Variants in ATG9B observed in about 807,000 individuals in gnomAD.
ATG9B encodes autophagy-related protein 9B.
A neutral mutation model predicts 92.9 loss-of-function variants in ATG9B; 92 were observed. The ratio of observed to expected loss-of-function variants is 0.99; its 90% CI spans 0.84 to 1.18. The LOEUF is 1.18. ATG9B is among the 50% of genes most tolerant of loss of function. ATG9B has a pLI of 0.00. For synonymous variants in ATG9B, 599 were observed against 551.4 expected (o/e 1.09, Z -1.21); for missense variants, 1,344 against 1,235.0 (o/e 1.09, Z -1.32).
chr7:151,024,473 T>C lies in ATG9B; in HGVS notation c.-50A>G. The C allele has an allele frequency of 7.9e-7, 1 of 1,265,884 alleles. No homozygotes were observed. The highest frequency in any genetic ancestry group is 1.0e-6 in the Non-Finnish European group (1 of 991,552). 78.4% of individuals were successfully genotyped at this position (1,265,884 alleles called of 1,614,324 possible). ...TTGGAAGGATGGGAGCTGTTGTTGC[T>C]TCCACAAAGGTCTGTGACACTGAGC... On this transcript the variant is annotated 5_prime_UTR_variant, in exon 1 of 14. Coordinates refer to ENST00000639579, the MANE Select transcript of ATG9B (RefSeq NM_001317056.2).
At chr7:151,012,397 C>T (rs1426641699), downstream of ATG9B, 3 of 1,599,928 alleles carry the variant, frequency 1.9e-6, no homozygotes, top group Admixed American at 3.5e-5. Context: ...GCCCTGCATC[C>T]TGGTGGGTCC....
chr7:151,018,284 C>T lies in ATG9B; in HGVS notation c.1872+10G>A. ...CTTCCTCCTCAGCCCGCCGTCGCGC[C>T]CACCCTCACCGCTCGGTACTGCAGC... On this transcript the variant is annotated intron_variant, in intron 7 of 13. Coordinates refer to ENST00000639579, the MANE Select transcript of ATG9B (RefSeq NM_001317056.2). This position sits in a 1 kb window ranked among gnomAD's most constrained non-coding sequence, Gnocchi z 4.7. 1 of 1,530,282 alleles carries T rather than the reference C, an allele frequency of 6.5e-7. No individual in the cohort carries two copies. The highest frequency in any genetic ancestry group is 1.3e-5 in the South Asian group (1 of 78,812). The allele number at this position is 1,530,282 out of a possible 1,614,324, so 94.8% of individuals were successfully genotyped here. A position where few individuals can be genotyped will look rare whatever the true frequency, so the allele number is the denominator to read the frequency against.
chr7:151,017,389 T>G, intron 8 of ATG9B, 117 bp from the exon 9 acceptor site: 1 of 1,017,830 alleles, frequency 9.8e-7, no homozygotes, highest in Non-Finnish European at 1.4e-6. Flanking sequence ...TGGGGACTTG[T>G]TCACCATCAC....
At chr7:151,013,197 A>G, downstream of ATG9B, 3 of 1,596,370 alleles carry the variant, frequency 1.9e-6, no homozygotes, top group Non-Finnish European at 2.6e-6. Flanking sequence ...TGTGCCCCGG[A>G]GAAGAGCCTT....
At chr7:151,014,236 A>T (rs1795390104), downstream of ATG9B, 2 of 1,472,246 alleles carry the variant, frequency 1.4e-6, no homozygotes, top group Admixed American at 4.0e-5. Flanking sequence ...CCCGACCAGG[A>T]TCAGCCCCGC....
chr7:151,012,789 C>A, downstream of ATG9B: 1 of 337,682 alleles, frequency 3.0e-6, no homozygotes, highest in Non-Finnish European at 5.5e-6. Context: ...CAGAGCTGAC[C>A]GAGGTCTGTC....
chr7:151,013,250 G>A (rs1795346237), downstream of ATG9B: 2 of 1,613,580 alleles, frequency 1.2e-6, no homozygotes, highest in African/African-American at 1.3e-5. Flanking sequence ...CCACTCCCAT[G>A]ACTTTGGTGT....
chr7:151,014,130 G>A, downstream of ATG9B: 1 of 1,612,004 alleles, frequency 6.2e-7, no homozygotes, highest in Non-Finnish European at 8.5e-7. Flanking sequence ...CAGTGCCCTG[G>A]GCGTTCGACC....
In ATG9B at chr7:151,019,699, G is replaced by C. The variant is rs1795677872; in HGVS notation, c.964-325C>G. 1.0e-5 allele frequency: 3 copies of C among 287,876 alleles called. No homozygotes were observed. The South Asian group carries it at 3.9e-4, about 38-fold the overall frequency. The allele number at this position is 287,876 out of a possible 1,614,324, so 17.8% of individuals were successfully genotyped here. ...GACCTGGCTTCTCAGCTCCTTAAGG[G>C]CCTGAGGCCCCCTCAGTTGTACACA... On this transcript the variant is annotated intron_variant, in intron 5 of 13. Transcript: ENST00000639579.
In ATG9B at chr7:151,023,954, C is replaced by G; in HGVS notation, c.470G>C (p.Cys157Ser). 1.9e-6 allele frequency: 3 copies of G among 1,589,052 alleles called. No individual in the cohort carries two copies. The highest frequency in any genetic ancestry group is 2.6e-6 in the Non-Finnish European group (3 of 1,168,042). The change falls in exon 1 of 14, where the codon TGT becomes TCT. Residue 157 changes from cysteine (C) to serine (S), a missense_variant. Coordinates refer to ENST00000639579, the MANE Select transcript of ATG9B (RefSeq NM_001317056.2). The stretch of plus-strand genomic sequence containing the variant: ...TGAGTCTTGGGACCCCTCAGGGTCA[C>G]AGTCCTCCAGCCGCTCATAATCCTG... The part of the protein sequence containing the change: ...PEQDYERLED[C>S]DPEGSQDSPI...
At chr7:151,019,605 C>T (rs2117166577) in intron 5 of ATG9B, among the ~76,000 whole-genome samples, 1 of 152,344 alleles carries the variant, frequency 6.6e-6, no homozygotes, top group South Asian at 2.1e-4. Flanking sequence ...TCTAAACTGC[C>T]CTGTTCATCA....
Position 151,018,057 on chromosome 7 carries a change from AAGC to A in ATG9B, c.1873-10_1873-8del, listed in dbSNP as rs1377720567. On this transcript the variant is annotated splice_region_variant and splice_polypyrimidine_tract_variant and intron_variant, in intron 7 of 13. Coordinates refer to ENST00000639579, the MANE Select transcript of ATG9B (RefSeq NM_001317056.2). The surrounding 1 kb of genome is among the most constrained non-coding windows in gnomAD (Gnocchi z 4.7). ...GCTCCTCCAGGAGGGAGACCTGGGG[AAGC>A]AGCGGTGAGGCTGAGCAGGGGTCGC... The A allele has an allele frequency of 6.4e-7, 1 of 1,571,958 alleles. No homozygotes were observed. The highest frequency in any genetic ancestry group is 1.3e-5 in the African/African-American group (1 of 74,122).
downstream of ATG9B, chr7:151,013,497 C>T: frequency 1.5e-6 from 2 of 1,294,610 alleles, no homozygotes; most frequent in Non-Finnish European, 2.1e-6. Flanking sequence ...ACCACTCAGC[C>T]ACCCCTGCAC....
chr7:151,021,550 C>T (rs560114859), intron 4 of ATG9B, among the ~76,000 whole-genome samples: 1 of 152,260 alleles, frequency 6.6e-6, no homozygotes, highest in South Asian at 2.1e-4. Flanking sequence ...CTGATGTTTT[C>T]ATTCTTGTAC....
rs757450867 is a variant in ATG9B, at chr7:151,021,221, C to G, written c.930G>C (p.Gln310His). 1.2e-6 allele frequency: 2 copies of G among 1,613,546 alleles called. No individual in the cohort carries two copies. Among genetic ancestry groups the G allele is most frequent in the African/African-American group, 1.3e-5 (1 of 75,022 alleles). The change falls in exon 5 of 14, where the codon CAG becomes CAC. Residue 310 changes from glutamine (Q) to histidine (H), a missense_variant. Gln to His is a conservative substitution (Grantham distance 24). Transcript: ENST00000639579. ...TGTGCAGGGCCTCCCTGTAAAACAC[C>G]TGGATGTCCCAGTAGCTGAAGAGGT... ...VCNLFSYWDI[Q>H]VFYREALHIP...
At position 151,017,126 on chromosome 7, in the gene ATG9B, GC is replaced by G; in HGVS notation, c.2198del (p.Gly733AlafsTer50). The G allele has an allele frequency of 6.2e-7, 1 of 1,612,580 alleles. No homozygotes were observed. The highest frequency in any genetic ancestry group is 2.2e-5 in the East Asian group (1 of 44,844). On this transcript the variant is annotated frameshift_variant, in exon 9 of 14. Coordinates refer to ENST00000639579, the MANE Select transcript of ATG9B (RefSeq NM_001317056.2). LOFTEE classifies it high-confidence loss of function. Reference protein sequence around the residue: ...HSSKFLGHLWGRVQQDAAAWG... With the variant: ...HSSKFLGHLWXRVQQDAAAWG... ...AGGCAGCTGCATCTTGTTGTACTCGGCCCCAGAGGTGCCCAAGAAACTTAGA... is the reference window on the plus strand; with the variant it reads ...AGGCAGCTGCATCTTGTTGTACTCGGCCCAGAGGTGCCCAAGAAACTTAGA...
At chr7:151,022,700 G>A (rs1795795547) in intron 4 of ATG9B, among the ~76,000 whole-genome samples, 1 of 151,746 alleles carries the variant, frequency 6.6e-6, no homozygotes, top group African/African-American at 2.4e-5. Flanking sequence ...AATACACGTG[G>A]TGGTGCACGC....
downstream of ATG9B, chr7:151,013,690 C>G: frequency 6.6e-7 from 1 of 1,515,742 alleles, no homozygotes; most frequent in Non-Finnish European, 8.9e-7. Context: ...CGCCCACCCC[C>G]ACCAGGGCCC....
In ATG9B at chr7:151,015,973, G is replaced by C. The variant is rs752565788; in HGVS notation, c.2698C>G (p.Arg900Gly). Residue 900 changes from arginine to glycine, a missense_variant, in exon 13 of 14, where the codon CGG becomes GGG. By Grantham distance (125) the Arg-to-Gly change is moderately radical. Transcript: ENST00000639579. ...TGAAACCCTCCGGGGAACAGATTCCGGGCCTTCTGGGTTCCCCACTGTTGT... is the reference window on the plus strand; with the variant it reads ...TGAAACCCTCCGGGGAACAGATTCCCGGCCTTCTGGGTTCCCCACTGTTGT... ...PRQQWGTQKA[R>G]NLFPGGFQVT... 1 of 1,551,622 alleles carries C rather than the reference G, an allele frequency of 6.4e-7. No homozygotes were observed. The highest frequency in any genetic ancestry group is 1.4e-5 in the African/African-American group (1 of 73,166).
Sources: allele counts gnomAD v4.1 joint callset (sites outside exome capture counted in the v4.1 genomes callset), GRCh38; gene constraint gnomAD v4.1.1; non-coding constraint Gnocchi (gnomAD v3.1); transcripts MANE v1.5; gene names NCBI Gene and HGNC (gene_info 2026-07-23, HGNC 2026-07-21).